NRCAM: variants seen among roughly 807,000 people sequenced by gnomAD.
NRCAM encodes the protein neuronal cell adhesion molecule.
A neutral mutation model predicts 156.5 loss-of-function variants in NRCAM; 83 were observed. That is an observed-to-expected ratio of 0.53 (90% CI 0.44 to 0.64). The LOEUF (loss-of-function observed/expected upper bound fraction) is 0.64, where lower values mean the gene tolerates loss of function less well. Among genes scored for constraint, NRCAM ranks in the 30% least tolerant of loss-of-function variants. The probability of loss-of-function intolerance (pLI) is 0.00; values close to 1 mark genes in which losing one functional copy is unlikely to be tolerated. For missense variants in NRCAM, 1,417 were observed against 1,597.3 expected (o/e 0.89, Z 1.92); for synonymous variants, 538 against 563.9 (o/e 0.95, Z 0.65).
chr7:108,182,836 A>T lies in NRCAM; in HGVS notation c.2389T>A (p.Ser797Thr), dbSNP rs1347515811. ...RQKDGDDEWTSVVVANVSKYI... is the reference protein window; with the variant it reads ...RQKDGDDEWTTVVVANVSKYI... ...TTGGATACATTTGCCACAACCACAG[A>T]TGTCCATTCATCATCACCATCTTTC... The change falls in exon 23 of 33, where the codon TCT (serine) becomes ACT (threonine). Residue 797 changes from serine (S) to threonine (T), a missense_variant. This residue lies in a region of NRCAM where 1,238 missense variants were observed against 1,336.4 expected (regional missense o/e 0.93). Coordinates refer to ENST00000379028, the MANE Select transcript of NRCAM (RefSeq NM_001037132.4). The T allele has an allele frequency of 6.2e-7, 1 of 1,614,214 alleles. No individual in the cohort carries two copies. The highest frequency in any genetic ancestry group is 8.5e-7 in the Non-Finnish European group (1 of 1,180,034).
At chr7:108,387,993 A>G (rs2099746838) in intron 2 of NRCAM, among the ~76,000 whole-genome samples, 1 of 152,080 alleles carries the variant, frequency 6.6e-6, no homozygotes, top group Admixed American at 6.6e-5. Flanking sequence ...AGTCTTTGCT[A>G]TTGTGAATAG....
intron 30 of NRCAM, among the ~76,000 whole-genome samples, chr7:108,166,504 T>A (rs1199705198): frequency 6.6e-6 from 1 of 152,208 alleles, no homozygotes; most frequent in South Asian, 2.1e-4. Flanking sequence ...TGCCTCGGCC[T>A]CCCTAAGTGC....
chr7:108,151,180 T>G (rs776609675), intron 32 of NRCAM, among the ~76,000 whole-genome samples: 2 of 152,184 alleles, frequency 1.3e-5, no homozygotes, highest in African/African-American at 2.4e-5. Flanking sequence ...TACCTAGTTA[T>G]GCATATTGAC....
At chr7:108,268,637 G>GGGGGGGGGA (rs2097209664) in intron 3 of NRCAM, among the ~76,000 whole-genome samples, 1 of 48,592 alleles carries the variant, frequency 2.1e-5, no homozygotes, top group Non-Finnish European at 4.0e-5. Flanking sequence ...GGGGGGGGTT[G>GGGGGGGGGA]GGGGGGGCGG....
intron 3 of NRCAM, among the ~76,000 whole-genome samples, chr7:108,247,012 T>C (rs771451670): frequency 3.3e-4 from 50 of 152,094 alleles, no homozygotes; most frequent in Non-Finnish European, 7.1e-4. Flanking sequence ...CTGGGAAGTA[T>C]GAGCCATACT....
chr7:108,327,581 A>G (rs1323899525), intron 2 of NRCAM, among the ~76,000 whole-genome samples: 1 of 152,208 alleles, frequency 6.6e-6, no homozygotes, highest in East Asian at 1.9e-4. Context: ...ATTAGGTATA[A>G]TCACACCATG....
At chr7:108,443,981 G>T (rs1841695609) in intron 1 of NRCAM, among the ~76,000 whole-genome samples, 1 of 152,084 alleles carries the variant, frequency 6.6e-6, no homozygotes, top group Admixed American at 6.6e-5. Flanking sequence ...ATGAGATAGA[G>T]AGAGAGAGAG....
At chr7:108,179,155 A>G (rs565122392) in intron 25 of NRCAM, among the ~76,000 whole-genome samples, 5 of 152,320 alleles carry the variant, frequency 3.3e-5, no homozygotes, top group Admixed American at 2.0e-4. Flanking sequence ...CTCCCTGGAA[A>G]AATATACATT....
intron 2 of NRCAM, among the ~76,000 whole-genome samples, chr7:108,336,467 T>C (rs1049944602): frequency 2.6e-5 from 4 of 152,222 alleles, no homozygotes; most frequent in African/African-American, 7.2e-5. Context: ...TCAAACAACA[T>C]TATGAATTTT....
chr7:108,211,879 CA>C (rs1275054177), intron 11 of NRCAM, among the ~76,000 whole-genome samples: 1 of 152,206 alleles, frequency 6.6e-6, no homozygotes, highest in African/African-American at 2.4e-5. Context: ...CACTCACCAC[CA>C]GTTCCTCTCC....
chr7:108,221,454 C>T (rs2092244482), intron 11 of NRCAM, among the ~76,000 whole-genome samples: 1 of 152,128 alleles, frequency 6.6e-6, no homozygotes, highest in Non-Finnish European at 1.5e-5. Context: ...AACCCAAATG[C>T]CCATCAATCA....
intron 1 of NRCAM, among the ~76,000 whole-genome samples, chr7:108,456,000 C>A (rs987219629): frequency 6.6e-6 from 1 of 152,182 alleles, no homozygotes; most frequent in Non-Finnish European, 1.5e-5. Context: ...TGTGCCTTCA[C>A]CCAAGCGCAG....
intron 3 of NRCAM, among the ~76,000 whole-genome samples, chr7:108,247,632 A>G (rs2096044789): frequency 7.0e-6 from 1 of 141,928 alleles, no homozygotes; most frequent in South Asian, 2.4e-4. Context: ...ATAATTGTAA[A>G]TTATGCCTAA....
chr7:108,275,393 T>A (rs1266156605), intron 3 of NRCAM, among the ~76,000 whole-genome samples: 1 of 152,200 alleles, frequency 6.6e-6, no homozygotes, highest in Non-Finnish European at 1.5e-5. Flanking sequence ...GGTAGGCTAT[T>A]AATTATTGCC....
chr7:108,152,907 G>A (rs747080427), intron 32 of NRCAM, among the ~76,000 whole-genome samples: 2 of 152,096 alleles, frequency 1.3e-5, no homozygotes, highest in Non-Finnish European at 2.9e-5. Context: ...AGAGCCAACA[G>A]GATTTTCTGA....
In NRCAM at chr7:108,164,230, G is replaced by A. The variant is rs149176178; in HGVS notation, c.3466+2691C>T. ...GGGGTAGTGAGAGGTCATACCAGGT[G>A]GGGTGGGGTAATGAGAGGTCATACC... On this transcript the variant is annotated intron_variant, in intron 30 of 32. Coordinates refer to ENST00000379028, the MANE Select transcript of NRCAM (RefSeq NM_001037132.4). Among the ~76,000 whole-genome samples the A allele has an allele frequency of 6.9e-3, 1,038 of 149,888 alleles. 3 individuals carry two copies. The highest frequency in any genetic ancestry group is 9.5e-3 in the Non-Finnish European group (643 of 67,546).
intron 25 of NRCAM, among the ~76,000 whole-genome samples, chr7:108,179,807 T>C (rs1023404608): frequency 2.6e-5 from 4 of 152,246 alleles, no homozygotes; most frequent in Non-Finnish European, 5.9e-5. Context: ...CTATAACTTA[T>C]AGAAATATTT....
At chr7:108,311,163 T>C (rs1019474920) in intron 3 of NRCAM, among the ~76,000 whole-genome samples, 5 of 152,202 alleles carry the variant, frequency 3.3e-5, no homozygotes, top group African/African-American at 1.2e-4. Flanking sequence ...CCGCCCTCAG[T>C]GTCTTACTAC....
chr7:108,176,648 T>C (rs760486280), intron 26 of NRCAM, 42 bp from the exon 27 acceptor site: 1 of 1,421,680 alleles, frequency 7.0e-7, no homozygotes, highest in South Asian at 1.2e-5. Context: ...CTCCATTAAC[T>C]GCTATAGGAA....
Sources: gnomAD v4.1 joint callset for allele counts (sites outside exome capture counted in the v4.1 genomes callset) on GRCh38, gnomAD v4.1.1 for gene constraint, gnomAD v4.1.1 regional missense constraint, MANE v1.5 for transcripts, NCBI Gene and HGNC (gene_info 2026-07-23, HGNC 2026-07-21) for gene names.